The following DNAJC6 variants were observed in gnomAD, a reference collection of about 807,000 sequenced individuals.
DNAJC6 encodes auxilin.
A neutral mutation model predicts 110.0 loss-of-function variants in DNAJC6; 34 were observed. The observed-to-expected ratio is 0.31, with a 90% CI of 0.24 to 0.41. The LOEUF is 0.41. Ranked by LOEUF, DNAJC6 falls within the 10% of genes least tolerant of loss-of-function variation. DNAJC6 has a pLI of 1.00. For synonymous variants in DNAJC6, 406 were observed against 437.2 expected (o/e 0.93, Z 0.89); for missense variants, 1,031 against 1,207.8 (o/e 0.85, Z 2.17).
intron 1 of DNAJC6, among the ~76,000 whole-genome samples, chr1:65,358,783 T>G (rs780019905): frequency 7.9e-5 from 12 of 152,346 alleles, no homozygotes; most frequent in Middle Eastern, 3.4e-3. Flanking sequence ...AAAAAATACA[T>G]CATTTATAGC....
At chr1:65,404,105 G>T (rs9436289) in intron 15 of DNAJC6, among the ~76,000 whole-genome samples, 2 of 152,150 alleles carry the variant, frequency 1.3e-5, no homozygotes, top group Non-Finnish European at 2.9e-5. Context: ...GTATGTTCCC[G>T]TGCTATTGGC....
At chr1:65,341,881 C>T (rs1294730804) in intron 1 of DNAJC6, among the ~76,000 whole-genome samples, 1 of 152,066 alleles carries the variant, frequency 6.6e-6, no homozygotes, top group Non-Finnish European at 1.5e-5. Context: ...GGACCAAGTC[C>T]GTATGAGGGA....
upstream of DNAJC6, among the ~76,000 whole-genome samples, chr1:65,305,378 TACAC>T (rs1270454758): frequency 6.6e-6 from 1 of 152,178 alleles, no homozygotes; most frequent in Non-Finnish European, 1.5e-5. Context: ...AGCAGAAACA[TACAC>T]ACACTCATAC....
At chr1:65,270,643 G>A (rs1653473946) in intron 1 of DNAJC6, among the ~76,000 whole-genome samples, 1 of 151,866 alleles carries the variant, frequency 6.6e-6, no homozygotes, top group Non-Finnish European at 1.5e-5. Context: ...TTATTTTTAT[G>A]CTATTGTTAC....
At chr1:65,388,234 T>C in intron 8 of DNAJC6, 102 bp from the exon 9 acceptor site, 2 of 977,968 alleles carry the variant, frequency 2.0e-6, no homozygotes, top group Admixed American at 1.7e-5. Flanking sequence ...CAAATTCAGA[T>C]ATTGAAACAG....
intron 5 of DNAJC6, among the ~76,000 whole-genome samples, chr1:65,381,007 C>A (rs1318618125): frequency 1.3e-5 from 2 of 148,424 alleles, no homozygotes; most frequent in African/African-American, 5.0e-5. Context: ...CAACCTCTGC[C>A]TCCCAGGTTC....
At position 65,415,330 on chromosome 1, in the gene DNAJC6, A is replaced by G. The variant is rs957771466; in HGVS notation, c.*2305A>G. 1 of 152,180 alleles carries G rather than the reference A, an allele frequency of 6.6e-6. No homozygotes were observed. The highest frequency in any genetic ancestry group is 1.5e-5 in the Non-Finnish European group (1 of 68,034). 9.4% of individuals were successfully genotyped at this position (152,180 alleles called of 1,614,324 possible). On this transcript the variant is annotated 3_prime_UTR_variant, in exon 19 of 19. Coordinates refer to ENST00000371069, the MANE Select transcript of DNAJC6 (RefSeq NM_001256864.2). ...TTGTAGGAATACAATGAGGAGCTTG[A>G]ATGCCACCTTCTGACATGATTTACT...
At chr1:65,308,280 T>C (rs1170855288), upstream of DNAJC6, among the ~76,000 whole-genome samples, 1 of 152,216 alleles carries the variant, frequency 6.6e-6, no homozygotes, top group Non-Finnish European at 1.5e-5. Context: ...ACATTTTACA[T>C]GCACGTACTT....
At chr1:65,395,068 T>C (rs763918957) in intron 13 of DNAJC6, 36 bp downstream of exon 13, 5 of 1,548,380 alleles carry the variant, frequency 3.2e-6, no homozygotes, top group Admixed American at 2.0e-5. Context: ...CAGTGGAACA[T>C]AGTTTTCTGC....
rs1645077575 is a variant in DNAJC6, at chr1:65,309,572, C to G, written c.-174C>G. ...CGAGCTCAGCCCAGGGCGGCGGCTT[C>G]GCCTCGCCCGGCGAAGCTTCTCTCC... On this transcript the variant is annotated 5_prime_UTR_variant, in exon 1 of 19. Transcript: ENST00000371069. 3.4e-6 allele frequency: 4 copies of G among 1,176,470 alleles called. No individual in the cohort carries two copies. The African/African-American group carries it at 5.1e-5, about 15-fold the overall frequency. 72.9% of individuals were successfully genotyped at this position (1,176,470 alleles called of 1,614,324 possible). A position where few individuals can be genotyped will look rare whatever the true frequency, so the allele number is the denominator to read the frequency against.
In DNAJC6 at chr1:65,326,937, T is replaced by C. The variant is rs185049169; in HGVS notation, c.193+16999T>C. On this transcript the variant is annotated intron_variant, in intron 1 of 18. Transcript: ENST00000371069. ...GACTAGGGCATGTGAGGAACCTGTC[T>C]TATGTTGAGATGGATGGCAAAGCCC... Among the ~76,000 whole-genome samples, 652 of 152,336 alleles carry C rather than the reference T, an allele frequency of 4.3e-3. 3 individuals are homozygous for C. Among genetic ancestry groups the C allele is most frequent in the African/African-American group, 0.015 (630 of 41,560 alleles).
chr1:65,360,677 A>G (rs917596113), intron 1 of DNAJC6, among the ~76,000 whole-genome samples: 3 of 152,162 alleles, frequency 2.0e-5, no homozygotes, highest in African/African-American at 7.2e-5. Context: ...AATGTGCTCT[A>G]TTTCATATGA....
intron 1 of DNAJC6, among the ~76,000 whole-genome samples, chr1:65,354,054 A>G (rs1489817063): frequency 6.6e-6 from 1 of 152,058 alleles, no homozygotes. Context: ...TGTGTGCCAT[A>G]TATTGCACTT....
chr1:65,359,321 A>G (rs540993563), intron 1 of DNAJC6, among the ~76,000 whole-genome samples: 65 of 152,332 alleles, frequency 4.3e-4, no homozygotes, highest in African/African-American at 1.5e-3. Context: ...CTTGGAAGGA[A>G]TAGGATACTG....
intron 1 of DNAJC6, among the ~76,000 whole-genome samples, chr1:65,266,998 G>A (rs1653355599): frequency 6.6e-6 from 1 of 151,804 alleles, no homozygotes; most frequent in South Asian, 2.1e-4. Flanking sequence ...CCAGGTTCAA[G>A]CGATTCTCCT....
chr1:65,405,452 G>A (rs913200), intron 15 of DNAJC6, among the ~76,000 whole-genome samples: 89,939 of 152,020 alleles, frequency 0.59, 28,998 homozygotes, highest in African/African-American at 0.86. Flanking sequence ...GTCATTTGGT[G>A]GTTTTTTTTA....
chr1:65,412,942 G>T lies in DNAJC6; in HGVS notation c.2830G>T (p.Glu944Ter). 1 of 1,613,974 alleles carries T rather than the reference G, an allele frequency of 6.2e-7. No individual in the cohort carries two copies. The highest frequency in any genetic ancestry group is 1.1e-5 in the South Asian group (1 of 91,040). Residue 944 changes from glutamate to a stop codon, truncating the protein, a stop_gained, in exon 19 of 19, where the codon GAA (glutamate) becomes TAA (stop). Transcript: ENST00000371069. LOFTEE classifies it high-confidence loss of function. ...HPDKATGQPY[E>*]QYAKMIFMEL... is the part of the protein sequence containing the mutation. ...TCTACAGGCTACTGGGCAACCCTAT[G>T]AACAATACGCAAAGATGATTTTCAT...
intron 4 of DNAJC6, among the ~76,000 whole-genome samples, chr1:65,376,091 C>G (rs1645763999): frequency 6.6e-6 from 1 of 152,066 alleles, no homozygotes. Context: ...TTGAGGTTTT[C>G]TATTTCTTCA....
chr1:65,285,153 TCTAA>T (rs1487935219), intron 1 of DNAJC6, among the ~76,000 whole-genome samples: 4 of 152,332 alleles, frequency 2.6e-5, no homozygotes, highest in African/African-American at 9.6e-5. Context: ...ACTCTGATGC[TCTAA>T]CTTTCTTGCA....
Sources: allele counts gnomAD v4.1 joint callset (sites outside exome capture counted in the v4.1 genomes callset), GRCh38; gene constraint gnomAD v4.1.1; transcripts MANE v1.5; gene names NCBI Gene and HGNC (gene_info 2026-07-23, HGNC 2026-07-21).